Variants in SESN1 observed in about 807,000 individuals in gnomAD.
SESN1 encodes sestrin 1, also known as sestrin-1.
In SESN1, 30 loss-of-function variants were observed where a neutral mutation model predicts 59.3. The observed-to-expected ratio is 0.51, with a 90% CI of 0.38 to 0.69. SESN1 has a LOEUF of 0.69. Among genes scored for constraint, SESN1 ranks in the 30% least tolerant of loss-of-function variants. The probability of loss-of-function intolerance (pLI) is 0.00; values close to 1 mark genes in which losing one functional copy is unlikely to be tolerated. For synonymous variants in SESN1, 197 were observed against 219.9 expected, an observed-to-expected ratio of 0.90 and a Z score of 0.92; for missense variants, 566 against 673.0, an observed-to-expected ratio of 0.84 and a Z score of 1.76.
At chr6:108,997,380 T>G (rs1779521484) in intron 5 of SESN1, among the ~76,000 whole-genome samples, 2 of 152,196 alleles carry the variant, frequency 1.3e-5, no homozygotes, top group Admixed American at 6.5e-5. Context: ...CTGCCAAGCT[T>G]TGAAAAATAA....
At chr6:109,090,588 T>G (rs1781296308) in intron 1 of SESN1, 1 of 152,204 alleles carries the variant, frequency 6.6e-6, no homozygotes, top group African/African-American at 2.4e-5. Context: ...AGAGATCATA[T>G]ATTTACCATT....
At chr6:109,070,136 C>T (rs946456302) in intron 1 of SESN1, among the ~76,000 whole-genome samples, 3 of 152,004 alleles carry the variant, frequency 2.0e-5, no homozygotes, top group East Asian at 1.9e-4. Flanking sequence ...AATACTTTCA[C>T]GTGATTTGAA....
chr6:109,069,210 G>A (rs1050639330), intron 1 of SESN1, among the ~76,000 whole-genome samples: 4 of 151,612 alleles, frequency 2.6e-5, no homozygotes, highest in Admixed American at 6.6e-5. Context: ...CTAGGTGAAG[G>A]GTATATGGCA....
chr6:109,016,258 G>GT (rs1196784218), intron 1 of SESN1, among the ~76,000 whole-genome samples: 1 of 152,150 alleles, frequency 6.6e-6, no homozygotes, highest in East Asian at 1.9e-4. Flanking sequence ...AAATCCAGTT[G>GT]TTTTTGTTTA....
In SESN1 at chr6:109,094,212, T is replaced by C. The variant is rs187566775; in HGVS notation, c.-139A>G. The stretch of plus-strand genomic sequence containing the variant: ...ATGAAAACACACATCTGGGTGACAT[T>C]TGGAACCACTGGTGCCTTCAGCCGA... On this transcript the variant is annotated 5_prime_UTR_variant, in exon 1 of 10. Transcript: ENST00000436639. The C allele has an allele frequency of 1.2e-5, 11 of 918,682 alleles. No individual in the cohort carries two copies. Among genetic ancestry groups the C allele is most frequent in the African/African-American group, 5.0e-5 (3 of 59,996 alleles). 56.9% of individuals were successfully genotyped at this position (918,682 alleles called of 1,614,324 possible).
At chr6:109,044,531 G>C (rs1380619039) in intron 1 of SESN1, among the ~76,000 whole-genome samples, 1 of 151,640 alleles carries the variant, frequency 6.6e-6, no homozygotes, top group African/African-American at 2.4e-5. Flanking sequence ...TAATATATAA[G>C]ACTAAAAAAC....
In SESN1 at chr6:109,009,419, A is replaced by C. The variant is rs1005818840; in HGVS notation, c.280-7076T>G. On this transcript the variant is annotated intron_variant, in intron 1 of 9. Transcript: ENST00000436639. ...AGCCCAGCAGCCCCGAGACCGCCAA[A>C]GGGGCCGTGTACGCCTCGTTCGCGG... 2.0e-5 allele frequency: 29 copies of C among 1,453,872 alleles called. No homozygotes were observed. In the African/African-American group the frequency reaches 3.7e-4, roughly 18 times the overall value. 90.1% of individuals were successfully genotyped at this position (1,453,872 alleles called of 1,614,324 possible). A position where few individuals can be genotyped will look rare whatever the true frequency, so the allele number is the denominator to read the frequency against.
chr6:109,034,824 C>G (rs967413609), intron 1 of SESN1, among the ~76,000 whole-genome samples: 2 of 152,182 alleles, frequency 1.3e-5, no homozygotes, highest in Non-Finnish European at 2.9e-5. Flanking sequence ...GCTGTTGGAA[C>G]AACAGAGAAG....
intron 1 of SESN1, among the ~76,000 whole-genome samples, chr6:109,053,990 G>T (rs747188900): frequency 2.6e-5 from 4 of 151,804 alleles, no homozygotes; most frequent in Non-Finnish European, 4.4e-5. Flanking sequence ...TCTTTATTTT[G>T]GAATTACTTC....
chr6:109,076,521 A>G (rs1781035355), intron 1 of SESN1, among the ~76,000 whole-genome samples: 1 of 152,174 alleles, frequency 6.6e-6, no homozygotes, highest in African/African-American at 2.4e-5. Flanking sequence ...AATGCCCATC[A>G]ATGTAGTGAG....
At position 109,094,103 on chromosome 6, in the gene SESN1, T is replaced by A; in HGVS notation, c.-30A>T. 1 of 1,585,602 alleles carries A rather than the reference T, an allele frequency of 6.3e-7. No individual in the cohort carries two copies. The highest frequency in any genetic ancestry group is 8.6e-7 in the Non-Finnish European group (1 of 1,164,508). On this transcript the variant is annotated 5_prime_UTR_variant, in exon 1 of 10. Coordinates refer to ENST00000436639, the MANE Select transcript of SESN1 (RefSeq NM_014454.3). ...ATAGTTTTTCCTTTGCGGTCTTCAG[T>A]TACCTTTCAGCATGCCCCAAAAAAA...
chr6:109,002,668 T>A (rs935989858), intron 1 of SESN1, among the ~76,000 whole-genome samples: 1 of 152,128 alleles, frequency 6.6e-6, no homozygotes, highest in Admixed American at 6.6e-5. Context: ...ATAAGACCAG[T>A]GTGTTTGTAC....
At chr6:109,065,468 C>A (rs947043616) in intron 1 of SESN1, among the ~76,000 whole-genome samples, 1 of 152,018 alleles carries the variant, frequency 6.6e-6, no homozygotes, top group Non-Finnish European at 1.5e-5. Flanking sequence ...TTAAAAATCA[C>A]CTGATTGTCC....
intron 1 of SESN1, among the ~76,000 whole-genome samples, chr6:109,009,820 C>T (rs1239476343): frequency 6.6e-6 from 1 of 152,130 alleles, no homozygotes; most frequent in Admixed American, 6.5e-5. Context: ...CAGGAAGGTG[C>T]AGCACGAGTC....
At chr6:109,008,277 GATCT>G (rs1253435718) in intron 1 of SESN1, among the ~76,000 whole-genome samples, 5 of 152,148 alleles carry the variant, frequency 3.3e-5, no homozygotes, top group Non-Finnish European at 5.9e-5. Context: ...AAAGAGAAAA[GATCT>G]ATTATGACCC....
chr6:109,008,799 A>C (rs1201625831), intron 1 of SESN1: 2 of 985,480 alleles, frequency 2.0e-6, no homozygotes, highest in Non-Finnish European at 2.4e-6. Flanking sequence ...ACGCAAGAGT[A>C]AACGCTGTGC....
intron 1 of SESN1, among the ~76,000 whole-genome samples, chr6:109,014,154 T>C (rs1779899959): frequency 6.6e-6 from 1 of 152,184 alleles, no homozygotes; most frequent in Non-Finnish European, 1.5e-5. Flanking sequence ...TGTTTAGAAA[T>C]ATGAGGCATC....
rs142628159 is a variant in SESN1, at chr6:109,068,397, T to C, written c.279+25398A>G. ...AAAGAGTTATTGAAAGTTAAAAACA[T>C]GGCTGCTAAATAAACATGTCAATAG... On this transcript the variant is annotated intron_variant, in intron 1 of 9. Transcript: ENST00000436639. Among the ~76,000 whole-genome samples the C allele has an allele frequency of 3.9e-5, 6 of 152,218 alleles. No individual in the cohort carries two copies. In the East Asian group the frequency reaches 9.7e-4, roughly 24 times the overall value.
intron 1 of SESN1, among the ~76,000 whole-genome samples, chr6:109,005,019 A>C (rs1368605231): frequency 6.6e-6 from 1 of 152,230 alleles, no homozygotes; most frequent in Non-Finnish European, 1.5e-5. Flanking sequence ...AATTTGTAAT[A>C]GTGATCAAAA....
Sources: allele counts gnomAD v4.1 joint callset (sites outside exome capture counted in the v4.1 genomes callset), GRCh38; gene constraint gnomAD v4.1.1; transcripts MANE v1.5; gene names NCBI Gene and HGNC (gene_info 2026-07-23, HGNC 2026-07-21).